NRG3: variants seen among roughly 807,000 people sequenced by gnomAD.
NRG3 encodes the protein neuregulin 3.
A neutral mutation model predicts 66.9 loss-of-function variants in NRG3; 31 were observed. That is an observed-to-expected ratio of 0.46 (90% CI 0.35 to 0.63). The LOEUF (loss-of-function observed/expected upper bound fraction) is 0.63, where lower values mean the gene tolerates loss of function less well. Ranked by LOEUF, NRG3 falls within the 20% of genes least tolerant of loss-of-function variation. The pLI is 0.00. For synonymous variants in NRG3, 393 were observed against 359.4 expected (o/e 1.09, Z -1.06); for missense variants, 910 against 878.9 (o/e 1.04, Z -0.45).
At chr10:82,819,407 A>G (rs1224034085) in intron 3 of NRG3, among the ~76,000 whole-genome samples, 1 of 152,192 alleles carries the variant, frequency 6.6e-6, no homozygotes, top group African/African-American at 2.4e-5. Flanking sequence ...TTACCCATTT[A>G]CTTATTCATC....
intron 1 of NRG3, among the ~76,000 whole-genome samples, chr10:82,256,789 C>T (rs2077750766): frequency 6.6e-6 from 1 of 152,140 alleles, no homozygotes; most frequent in Admixed American, 6.5e-5. Context: ...ACCCTTTAGG[C>T]AATGGAAGAG....
chr10:82,665,493 C>T (rs1174787719), intron 2 of NRG3, among the ~76,000 whole-genome samples: 1 of 152,154 alleles, frequency 6.6e-6, no homozygotes, highest in Non-Finnish European at 1.5e-5. Flanking sequence ...ATCTAATCAT[C>T]AACTCTGTAC....
At chr10:82,503,357 G>A (rs949883704) in intron 2 of NRG3, among the ~76,000 whole-genome samples, 17 of 152,196 alleles carry the variant, frequency 1.1e-4, no homozygotes, top group African/African-American at 4.1e-4. Flanking sequence ...AATCTGGTGA[G>A]TAGAATCTTC....
Position 81,881,805 on chromosome 10 carries a change from C to CT in NRG3, c.823+5652dup, listed in dbSNP as rs199746226. ...GTTTAAGCTTAGCATCTTTGCTTTT[C>CT]TTTTTTTTTTAATTAGCCACACCTG... On this transcript the variant is annotated intron_variant, in intron 1 of 8. Coordinates refer to ENST00000372141, the MANE Select transcript of NRG3 (RefSeq NM_001010848.4). Among the ~76,000 whole-genome samples, 276 of 147,066 alleles carry CT rather than the reference C, an allele frequency of 1.9e-3. 2 individuals are homozygous for CT. The highest frequency in any genetic ancestry group is 0.012 in the East Asian group (58 of 5,024).
intron 3 of NRG3, among the ~76,000 whole-genome samples, chr10:82,823,851 G>A (rs905256103): frequency 3.9e-5 from 6 of 151,922 alleles, no homozygotes; most frequent in African/African-American, 9.7e-5. Flanking sequence ...TATAATTCAC[G>A]CATTATAAAA....
intron 2 of NRG3, among the ~76,000 whole-genome samples, chr10:82,612,404 C>T (rs1456750328): frequency 6.6e-6 from 1 of 151,880 alleles, no homozygotes; most frequent in Non-Finnish European, 1.5e-5. Flanking sequence ...TAGCAAGATC[C>T]AGTAAAAATC....
intron 1 of NRG3, among the ~76,000 whole-genome samples, chr10:81,923,082 G>A (rs1316398476): frequency 6.6e-6 from 1 of 152,192 alleles, no homozygotes; most frequent in Non-Finnish European, 1.5e-5. Context: ...AATAATGAGA[G>A]TTTAATATTC....
intron 2 of NRG3, among the ~76,000 whole-genome samples, chr10:82,713,179 G>A (rs1234121193): frequency 6.6e-6 from 1 of 150,572 alleles, no homozygotes; most frequent in African/African-American, 2.4e-5. Context: ...GCTAATGGGA[G>A]GCCAGGAGGA....
At chr10:82,507,820 T>C (rs1844825024) in intron 2 of NRG3, among the ~76,000 whole-genome samples, 1 of 152,218 alleles carries the variant, frequency 6.6e-6, no homozygotes, top group East Asian at 1.9e-4. Context: ...TAGTGACTGT[T>C]TGAATTAATC....
intron 2 of NRG3, among the ~76,000 whole-genome samples, chr10:82,565,867 A>G (rs890024282): frequency 6.6e-6 from 1 of 152,096 alleles, no homozygotes; most frequent in South Asian, 2.1e-4. Flanking sequence ...AAACACAGAA[A>G]AATGAAAACA....
intron 3 of NRG3, among the ~76,000 whole-genome samples, chr10:82,808,203 A>AG (rs2061362364): frequency 1.3e-5 from 2 of 151,894 alleles, no homozygotes; most frequent in African/African-American, 2.4e-5. Flanking sequence ...CGTAGTAAAA[A>AG]AAAAAAAGCA....
intron 2 of NRG3, among the ~76,000 whole-genome samples, chr10:82,565,761 C>T (rs1055109245): frequency 6.6e-6 from 1 of 151,970 alleles, no homozygotes; most frequent in South Asian, 2.1e-4. Flanking sequence ...ACTATTTCAC[C>T]ACCTTCTAAT....
intron 1 of NRG3, among the ~76,000 whole-genome samples, chr10:82,227,728 CATG>C (rs2076239975): frequency 2.0e-5 from 3 of 152,108 alleles, no homozygotes; most frequent in South Asian, 2.1e-4. Context: ...ATATAAAAAA[CATG>C]GTGTTGGCAG....
intron 2 of NRG3, among the ~76,000 whole-genome samples, chr10:82,380,219 G>T (rs1266173243): frequency 6.6e-6 from 1 of 151,976 alleles, no homozygotes; most frequent in Non-Finnish European, 1.5e-5. Context: ...TTCCAAGGAT[G>T]AAAATACACA....
chr10:82,172,373 A>G (rs889050429), intron 1 of NRG3, among the ~76,000 whole-genome samples: 2 of 152,078 alleles, frequency 1.3e-5, no homozygotes, highest in African/African-American at 4.8e-5. Flanking sequence ...TTTATACCCA[A>G]GAATATGTGG....
At chr10:82,961,557 C>G (rs981082152) in intron 6 of NRG3, among the ~76,000 whole-genome samples, 4 of 152,194 alleles carry the variant, frequency 2.6e-5, no homozygotes, top group Non-Finnish European at 5.9e-5. Flanking sequence ...CAACAGAAGG[C>G]AATTTGCCCA....
intron 2 of NRG3, among the ~76,000 whole-genome samples, chr10:82,439,765 T>C (rs1590136664): frequency 6.6e-6 from 1 of 152,130 alleles, no homozygotes; most frequent in East Asian, 1.9e-4. Context: ...TTGGTCATGG[T>C]GTTTTATTCT....
At chr10:82,595,676 T>TA (rs2047230364) in intron 2 of NRG3, among the ~76,000 whole-genome samples, 1 of 151,876 alleles carries the variant, frequency 6.6e-6, no homozygotes. Context: ...TCCCAGCTAC[T>TA]CGGGAGGTTG....
intron 2 of NRG3, among the ~76,000 whole-genome samples, chr10:82,449,515 A>G (rs12263171): frequency 0.015 from 2,254 of 152,308 alleles, 62 homozygotes; most frequent in African/African-American, 0.052. Flanking sequence ...CTGAGGAAGA[A>G]AAGGAAAGAA....
Sources: gnomAD v4.1 joint callset for allele counts (sites outside exome capture counted in the v4.1 genomes callset) on GRCh38, gnomAD v4.1.1 for gene constraint, MANE v1.5 for transcripts, NCBI Gene and HGNC (gene_info 2026-07-23, HGNC 2026-07-21) for gene names.